KCNN2: variants seen among roughly 807,000 people sequenced by gnomAD.
KCNN2 encodes the protein small conductance calcium-activated potassium channel protein 2.
Under a neutral mutation model 55.5 loss-of-function variants are expected in KCNN2, and 24 were observed. That is an observed-to-expected ratio of 0.43 (90% CI 0.31 to 0.61). KCNN2 has a LOEUF of 0.61. Among genes scored for constraint, KCNN2 ranks in the 20% least tolerant of loss-of-function variants. The pLI, the probability that KCNN2 is intolerant of heterozygous loss-of-function variation, is 0.08. For missense variants in KCNN2, 754 were observed against 853.6 expected, an observed-to-expected ratio of 0.88 and a Z score of 1.45; for synonymous variants, 431 against 336.1, an observed-to-expected ratio of 1.28 and a Z score of -3.09.
intron 2 of KCNN2, 138 bp downstream of exon 2, chr5:114,364,139 T>G (rs1327640205): frequency 1.5e-6 from 1 of 649,918 alleles, no homozygotes; most frequent in Non-Finnish European, 2.7e-6. Flanking sequence ...TTGTTACCGT[T>G]AGCACCTGAC....
At chr5:114,442,297 G>A (rs1760248488) in intron 3 of KCNN2, among the ~76,000 whole-genome samples, 1 of 151,382 alleles carries the variant, frequency 6.6e-6, no homozygotes, top group Non-Finnish European at 1.5e-5. Flanking sequence ...GAGAGAGAGA[G>A]TCAATATTTG....
At chr5:114,438,870 C>T (rs1760108006) in intron 3 of KCNN2, among the ~76,000 whole-genome samples, 1 of 152,162 alleles carries the variant, frequency 6.6e-6, no homozygotes, top group Admixed American at 6.5e-5. Context: ...TCTCTTTCTA[C>T]AGATAAATGT....
intron 2 of KCNN2, among the ~76,000 whole-genome samples, chr5:114,232,977 G>C (rs13166241): frequency 8.8e-6 from 1 of 113,960 alleles, no homozygotes; most frequent in Non-Finnish European, 1.7e-5. Context: ...CTGGAGTGCA[G>C]TGGCGGGATC....
intron 2 of KCNN2, among the ~76,000 whole-genome samples, chr5:114,381,106 C>T: frequency 6.6e-6 from 1 of 152,098 alleles, no homozygotes; most frequent in East Asian, 1.9e-4. Context: ...AATAACCTAT[C>T]TTAGAGGAGG....
At chr5:114,183,439 A>G (rs894856788) in intron 1 of KCNN2, among the ~76,000 whole-genome samples, 3 of 152,038 alleles carry the variant, frequency 2.0e-5, no homozygotes, top group Admixed American at 1.3e-4. Flanking sequence ...GTTACTTTTA[A>G]AAATATTTGA....
intron 2 of KCNN2, among the ~76,000 whole-genome samples, chr5:114,286,987 G>A (rs1755767083): frequency 6.6e-6 from 1 of 152,104 alleles, no homozygotes; most frequent in Non-Finnish European, 1.5e-5. Context: ...AAAAACATGA[G>A]TAGAAAAAAT....
intron 2 of KCNN2, among the ~76,000 whole-genome samples, chr5:114,292,701 T>C (rs1389279114): frequency 6.6e-6 from 1 of 152,192 alleles, no homozygotes; most frequent in Admixed American, 6.5e-5. Context: ...ATATGAAGTT[T>C]AAAGTAGTTT....
chr5:114,274,414 A>G (rs1449515155), intron 2 of KCNN2, among the ~76,000 whole-genome samples: 1 of 152,158 alleles, frequency 6.6e-6, no homozygotes, highest in Non-Finnish European at 1.5e-5. Flanking sequence ...TGAATCTATA[A>G]ATTACTTTGG....
intron 1 of KCNN2, among the ~76,000 whole-genome samples, chr5:114,143,303 C>G (rs1245690435): frequency 6.6e-6 from 1 of 152,076 alleles, no homozygotes; most frequent in Non-Finnish European, 1.5e-5. Context: ...TAATTTCTAA[C>G]AGAGCCTTAA....
chr5:114,147,078 G>A (rs1284173903), intron 1 of KCNN2, among the ~76,000 whole-genome samples: 1 of 152,134 alleles, frequency 6.6e-6, no homozygotes, highest in Admixed American at 6.6e-5. Context: ...AAACAGCTCG[G>A]CTTTTTGAGC....
chr5:114,385,555 A>AT (rs1758255780), intron 2 of KCNN2, among the ~76,000 whole-genome samples: 1 of 150,772 alleles, frequency 6.6e-6, no homozygotes, highest in Non-Finnish European at 1.5e-5. Flanking sequence ...ACACACACAC[A>AT]CATTATTGGA....
intron 3 of KCNN2, among the ~76,000 whole-genome samples, chr5:114,462,238 C>T (rs998417197): frequency 2.0e-5 from 3 of 152,128 alleles, no homozygotes; most frequent in African/African-American, 4.8e-5. Flanking sequence ...TTAATTCAAC[C>T]GAAGTGTGAT....
At chr5:114,154,165 C>T (rs1418010638) in intron 1 of KCNN2, among the ~76,000 whole-genome samples, 1 of 151,958 alleles carries the variant, frequency 6.6e-6, no homozygotes, top group Non-Finnish European at 1.5e-5. Flanking sequence ...TTGAATGATA[C>T]CAAGGTCACT....
chr5:114,095,066 G>A (rs1427405273), intron 1 of KCNN2, among the ~76,000 whole-genome samples: 1 of 152,142 alleles, frequency 6.6e-6, no homozygotes, highest in Admixed American at 6.5e-5. Flanking sequence ...AGAGTAGAGA[G>A]TGAAGAATAT....
intron 4 of KCNN2, among the ~76,000 whole-genome samples, chr5:114,464,531 T>A (rs1022182390): frequency 3.3e-5 from 5 of 152,182 alleles, no homozygotes; most frequent in Non-Finnish European, 5.9e-5. Context: ...TGCACACCTT[T>A]GCAGAAGCTG....
chr5:114,184,772 C>T (rs897600172), intron 1 of KCNN2, among the ~76,000 whole-genome samples: 1 of 152,138 alleles, frequency 6.6e-6, no homozygotes, highest in Non-Finnish European at 1.5e-5. Context: ...TAGTTAATTG[C>T]CCCCTTTCGC....
chr5:114,294,061 C>T lies in KCNN2; in HGVS notation c.-184-66884C>T, dbSNP rs761269485. ...ATATCCCCTTTATCATTTTTCATTGCGTCTATTTGATTCTTCTCTCTTTTT... is the reference window on the plus strand; with the variant it reads ...ATATCCCCTTTATCATTTTTCATTGTGTCTATTTGATTCTTCTCTCTTTTT... On this transcript the variant is annotated intron_variant, in intron 2 of 10. Transcript: ENST00000512097. 1.1e-4 allele frequency among the ~76,000 whole-genome samples: 16 copies of T among 152,080 alleles called. No homozygotes were observed. The East Asian group carries it at 2.5e-3, about 24-fold the overall frequency.
chr5:114,143,605 C>A (rs535685606), intron 1 of KCNN2, among the ~76,000 whole-genome samples: 2 of 152,292 alleles, frequency 1.3e-5, no homozygotes, highest in South Asian at 4.1e-4. Flanking sequence ...CTATGAACAT[C>A]TGTTTTTCTG....
chr5:114,362,779 A>G lies in KCNN2; in HGVS notation c.640A>G (p.Ser214Gly). ...ESNPFTEIAM[S>G]SCRYNGGVMR... is the part of the protein sequence containing the mutation. ...CAACCCCTTCACCGAAATAGCCATGAGCAGCTGCAGGTACAACGGGGGCGT... is the reference window on the plus strand; with the variant it reads ...CAACCCCTTCACCGAAATAGCCATGGGCAGCTGCAGGTACAACGGGGGCGT... Residue 214 changes from serine (S) to glycine (G), a missense_variant, in exon 1 of 8, where the codon AGC becomes GGC. By Grantham distance (56) the Ser-to-Gly change is moderately conservative. Transcript: ENST00000673685. 1 of 1,587,360 alleles carries G rather than the reference A, an allele frequency of 6.3e-7. No homozygotes were observed. Among genetic ancestry groups the G allele is most frequent in the Non-Finnish European group, 8.5e-7 (1 of 1,172,402 alleles).
Sources: gnomAD v4.1 joint callset for allele counts (sites outside exome capture counted in the v4.1 genomes callset) on GRCh38, gnomAD v4.1.1 for gene constraint, MANE v1.5 for transcripts, NCBI Gene and HGNC (gene_info 2026-07-23, HGNC 2026-07-21) for gene names.